The following RELT variants were observed in gnomAD, a reference collection of about 807,000 sequenced individuals.
RELT encodes the protein tumor necrosis factor receptor superfamily member 19L.
RELT carries 37 observed loss-of-function variants against 51.1 expected under a neutral mutation model. That is an observed-to-expected ratio of 0.72 (90% CI 0.56 to 0.95). RELT has a LOEUF of 0.95. Among genes scored for constraint, RELT ranks in the 40% least tolerant of loss-of-function variants. RELT has a pLI of 0.00. For synonymous variants in RELT, 241 were observed against 235.7 expected, an observed-to-expected ratio of 1.02 and a Z score of -0.21; for missense variants, 535 against 572.6, an observed-to-expected ratio of 0.93 and a Z score of 0.67.
chr11:73,392,877 T>G, intron 6 of RELT: 1 of 1,085,504 alleles, frequency 9.2e-7, no homozygotes, highest in Non-Finnish European at 1.1e-6. Context: ...TGTCCTGTCC[T>G]GGGCAGGCAC....
At chr11:73,385,008 G>T (rs1866102577) in intron 1 of RELT, among the ~76,000 whole-genome samples, 1 of 151,954 alleles carries the variant, frequency 6.6e-6, no homozygotes, top group African/African-American at 2.4e-5. Flanking sequence ...TGGCAGGCGT[G>T]TGGGTGGGGG....
chr11:73,395,116 G>T lies in RELT; in HGVS notation c.1076G>T (p.Arg359Leu). 1 of 1,613,580 alleles carries T rather than the reference G, an allele frequency of 6.2e-7. No homozygotes were observed. The highest frequency in any genetic ancestry group is 8.5e-7 in the Non-Finnish European group (1 of 1,179,998). ...RFRVARIPEQ[R>L]TSSMVSEVKT... The stretch of plus-strand genomic sequence containing the variant: ...CGCGTGGCTCGAATTCCTGAGCAGC[G>T]GACAAGTTCAATGGTGTCTGAGGTG... Residue 359 changes from arginine to leucine, a missense_variant, in exon 10 of 11, where the codon CGG (arginine) becomes CTG (leucine). Arg to Leu is a moderately radical substitution (Grantham distance 102). Transcript: ENST00000064780.
rs761854125 is a variant in RELT at position 73,388,916 on chromosome 11, C to T, written c.-25-196C>T. Among the ~76,000 whole-genome samples the T allele has an allele frequency of 7.9e-5, 12 of 152,296 alleles. No homozygotes were observed. The highest frequency in any genetic ancestry group is 3.9e-4 in the East Asian group (2 of 5,160). ...TCCTGCCTGTGCTGCCCCGTGAGGC[C>T]GGCTCCCAGGCAGGGCAGCCCCCTC... On this transcript the variant is annotated intron_variant, in intron 1 of 10. Coordinates refer to ENST00000064780, the MANE Select transcript of RELT (RefSeq NM_152222.2). This position sits in a 1 kb window ranked among gnomAD's most constrained non-coding sequence, Gnocchi z 4.1.
chr11:73,393,140 G>GGGAGCCAGAGACCCTTC (rs1866246751), intron 6 of RELT: 1 of 997,894 alleles, frequency 1.0e-6, no homozygotes, highest in South Asian at 4.3e-5. Flanking sequence ...GGGCTGGCAT[G>GGGAGCCAGAGACCCTTC]GGAGCCAGAG....
In RELT at chr11:73,394,747, C is replaced by T. The variant is rs572695773; in HGVS notation, c.1046+13C>T. The T allele has an allele frequency of 7.6e-5, 121 of 1,602,374 alleles. No homozygotes were observed. Among genetic ancestry groups the T allele is most frequent in the Non-Finnish European group, 2.8e-5 (33 of 1,177,650 alleles). ...TGTCTGTGGGCAGGTGAGATGGGCA[C>T]AGATGCAGCAGGGGCAGGTAAAGAC... On this transcript the variant is annotated intron_variant, in intron 9 of 10. Transcript: ENST00000064780. This position sits in a 1 kb window ranked among gnomAD's most constrained non-coding sequence, Gnocchi z 4.9.
intron 2 of RELT, among the ~76,000 whole-genome samples, chr11:73,390,145 G>T (rs1425471617): frequency 1.3e-5 from 2 of 152,144 alleles, no homozygotes; most frequent in African/African-American, 4.8e-5. Context: ...TATAAATGAG[G>T]CTGGTTAATG....
Position 73,390,796 on chromosome 11 carries a change from C to A in RELT, c.162C>A (p.Gly54=), listed in dbSNP as rs772238242. The change falls in exon 4 of 11, where the codon GGC becomes GGA. Residue 54 remains glycine (G), a synonymous_variant. Coordinates refer to ENST00000064780, the MANE Select transcript of RELT (RefSeq NM_152222.2). The part of the protein sequence containing the change: ...QGTLCRPCPP[G]TFSAAWGSSP... ...CATTATGCAGGCCCTGCCCCCCAGG[C>A]ACCTTCTCAGCTGCATGGGGCTCCA... 13 of 1,611,384 alleles carry A rather than the reference C, an allele frequency of 8.1e-6. No individual in the cohort carries two copies. In the Admixed American group the frequency reaches 1.7e-4, roughly 21 times the overall value.
rs186741863 is a variant in RELT at position 73,386,115 on chromosome 11, G to A, written c.-25-2997G>A. 2.7e-3 allele frequency among the ~76,000 whole-genome samples: 406 copies of A among 152,338 alleles called. 7 individuals carry two copies. Among genetic ancestry groups the A allele is most frequent in the Admixed American group, 0.024 (366 of 15,304 alleles). ...CCATCTCTGTAGATGAGAAAACTGA[G>A]ACCCAGTGATGTGAAGGTCCCAAAG... On this transcript the variant is annotated intron_variant, in intron 1 of 10. Transcript: ENST00000064780.
intron 10 of RELT, 77 bp downstream of exon 10, chr11:73,395,362 G>A (rs757107731): frequency 6.5e-7 from 1 of 1,543,354 alleles, no homozygotes; most frequent in Non-Finnish European, 9.0e-7. Context: ...TGGAAGTGCA[G>A]CGGGCCCTAG....
chr11:73,379,874 T>G (rs1866024831), intron 1 of RELT, among the ~76,000 whole-genome samples: 1 of 152,196 alleles, frequency 6.6e-6, no homozygotes, highest in African/African-American at 2.4e-5. Context: ...CAATGAGGCC[T>G]TTCCTTCCAA....
At position 73,392,255 on chromosome 11, in the gene RELT, G is replaced by T. The variant is rs1866228261; in HGVS notation, c.412G>T (p.Ala138Ser). The change falls in exon 6 of 11, where the codon GCC becomes TCC. Residue 138 changes from alanine to serine, a missense_variant. Physicochemically the swap from Ala to Ser is moderately conservative, Grantham distance 99. Coordinates refer to ENST00000064780, the MANE Select transcript of RELT (RefSeq NM_152222.2). ...ARRGVEVAAG[A>S]SSGGETRQPG... ...ACGTGGCGTGGAGGTGGCAGCAGGG[G>T]CCAGCAGCGGTGGTGAGACACGGCA... The T allele has an allele frequency of 6.2e-7, 1 of 1,612,824 alleles. No homozygotes were observed. Among genetic ancestry groups the T allele is most frequent in the African/African-American group, 1.3e-5 (1 of 74,930 alleles).
chr11:73,389,102 T>C lies in RELT; in HGVS notation c.-25-10T>C, dbSNP rs1371689589. ...GCCGCTCTGCCGAGCCTCCTCTCCA[T>C]CTGCCCTAGGCCGGCGACCACCAGG... On this transcript the variant is annotated splice_polypyrimidine_tract_variant and intron_variant, in intron 1 of 10. Coordinates refer to ENST00000064780, the MANE Select transcript of RELT (RefSeq NM_152222.2). 7 of 1,493,040 alleles carry C rather than the reference T, an allele frequency of 4.7e-6. No individual in the cohort carries two copies. The highest frequency in any genetic ancestry group is 6.4e-6 in the Non-Finnish European group (7 of 1,100,122). The allele number at this position is 1,493,040 out of a possible 1,614,324, so 92.5% of individuals were successfully genotyped here.
chr11:73,382,044 G>T (rs1355302215), intron 1 of RELT, among the ~76,000 whole-genome samples: 1 of 152,230 alleles, frequency 6.6e-6, no homozygotes, highest in Admixed American at 6.5e-5. Flanking sequence ...CCGAAACTCA[G>T]GGAGGGTAAG....
In RELT at chr11:73,391,157, TG is replaced by T; in HGVS notation, c.307del (p.Val103PhefsTer128). The T allele has an allele frequency of 3.1e-6, 5 of 1,613,790 alleles. No homozygotes were observed. Among genetic ancestry groups the T allele is most frequent in the Non-Finnish European group, 4.2e-6 (5 of 1,179,862 alleles). On this transcript the variant is annotated frameshift_variant, in exon 5 of 11. Coordinates refer to ENST00000064780, the MANE Select transcript of RELT (RefSeq NM_152222.2). LOFTEE classifies it high-confidence loss of function. The part of the protein sequence containing the change: ...GDCWPGWFGP[W>X]GVPRVPCQPC... ...CCCTCCTCGCAGGTGGTTTGGGCCT[TG>T]GGGGGTTCCCCGCGTTCCATGTCAA... is the stretch of plus-strand genomic sequence containing the variant.
intron 1 of RELT, among the ~76,000 whole-genome samples, chr11:73,377,134 G>A (rs1865980499): frequency 6.6e-6 from 1 of 152,214 alleles, no homozygotes; most frequent in African/African-American, 2.4e-5. Context: ...CGAAGTGCGT[G>A]GCTTGGGGCG....
chr11:73,386,239 C>A lies in RELT; in HGVS notation c.-25-2873C>A, dbSNP rs544940120. Among the ~76,000 whole-genome samples, 30 of 152,342 alleles carry A rather than the reference C, an allele frequency of 2.0e-4. No individual in the cohort carries two copies. In the South Asian group the frequency reaches 6.0e-3, roughly 30 times the overall value. On this transcript the variant is annotated intron_variant, in intron 1 of 10. Transcript: ENST00000064780. ...CTCTGCTACCCCCCTGGGGCCCCTC[C>A]TCCCCATCCAGTGTGGCTGGGTGTG...
rs566642790 is a variant in RELT at position 73,393,344 on chromosome 11, G to A, written c.626-493G>A. The A allele has an allele frequency of 2.5e-4, 275 of 1,120,910 alleles. 1 individual carries two copies. In the African/African-American group the frequency reaches 4.3e-3, roughly 17 times the overall value. The allele number at this position is 1,120,910 out of a possible 1,614,324, so 69.4% of individuals were successfully genotyped here. A position where few individuals can be genotyped will look rare whatever the true frequency, so the allele number is the denominator to read the frequency against. On this transcript the variant is annotated intron_variant, in intron 6 of 10. Transcript: ENST00000064780. The stretch of plus-strand genomic sequence containing the variant: ...AGCTCTGTTTGCTGCTGGGCCCAGG[G>A]CTGATCATCGTGGCCCATTCTCACA...
At chr11:73,387,721 G>A (rs562777638) in intron 1 of RELT, among the ~76,000 whole-genome samples, 3 of 152,320 alleles carry the variant, frequency 2.0e-5, no homozygotes, top group African/African-American at 7.2e-5. Context: ...GAGGGCGGGT[G>A]GACAGATCGG....
rs1866284154 is a variant in RELT at position 73,394,777 on chromosome 11, C to G, written c.1046+43C>G. On this transcript the variant is annotated intron_variant, in intron 9 of 10. Coordinates refer to ENST00000064780, the MANE Select transcript of RELT (RefSeq NM_152222.2). This position sits in a 1 kb window ranked among gnomAD's most constrained non-coding sequence, Gnocchi z 4.9. ...GCAGCAGGGGCAGGTAAAGACGTGA[C>G]AGCCTGGGGGCCGGGAGGGGGAGGC... 6.3e-7 allele frequency: 1 copy of G among 1,587,722 alleles called. No homozygotes were observed. Among genetic ancestry groups the G allele is most frequent in the African/African-American group, 1.3e-5 (1 of 74,660 alleles).
Sources: gnomAD v4.1 joint callset for allele counts (sites outside exome capture counted in the v4.1 genomes callset) on GRCh38, gnomAD v4.1.1 for gene constraint, Gnocchi (gnomAD v3.1) non-coding constraint, MANE v1.5 for transcripts, NCBI Gene and HGNC (gene_info 2026-07-23, HGNC 2026-07-21) for gene names.